Variants in TMEM30A observed in about 807,000 individuals in gnomAD.
TMEM30A encodes the protein cell division cycle 50 P4-ATPase accessory subunit A.
A neutral mutation model predicts 38.2 loss-of-function variants in TMEM30A; 24 were observed. The ratio of observed to expected loss-of-function variants is 0.63; its 90% CI spans 0.46 to 0.88. TMEM30A has a LOEUF of 0.88. TMEM30A is among the 40% of genes least tolerant of loss of function. The pLI, the probability that TMEM30A is intolerant of heterozygous loss-of-function variation, is 0.00. For missense variants in TMEM30A, 370 were observed against 458.6 expected (o/e 0.81, Z 1.77); for synonymous variants, 145 against 161.6 (o/e 0.90, Z 0.78).
intron 6 of TMEM30A, among the ~76,000 whole-genome samples, chr6:75,257,306 G>T (rs1771882637): frequency 6.6e-6 from 1 of 152,072 alleles, no homozygotes; most frequent in Non-Finnish European, 1.5e-5. Flanking sequence ...GCCCAATTTT[G>T]ATAATTAACC....
chr6:75,264,407 G>A (rs1772027825), intron 3 of TMEM30A, among the ~76,000 whole-genome samples: 1 of 152,156 alleles, frequency 6.6e-6, no homozygotes, highest in Non-Finnish European at 1.5e-5. Context: ...AGGCCGAGGA[G>A]GGCAGATCAC....
intron 4 of TMEM30A, among the ~76,000 whole-genome samples, chr6:75,259,856 A>C (rs1771933551): frequency 6.6e-6 from 1 of 152,142 alleles, no homozygotes; most frequent in Non-Finnish European, 1.5e-5. Flanking sequence ...ATTGTCTCAT[A>C]CAACAGCCAC....
Position 75,255,958 on chromosome 6 carries a change from G to T in TMEM30A, c.*144C>A. 1 of 581,148 alleles carries T rather than the reference G, an allele frequency of 1.7e-6. No homozygotes were observed. Among genetic ancestry groups the T allele is most frequent in the Non-Finnish European group, 3.0e-6 (1 of 336,334 alleles). The allele number at this position is 581,148 out of a possible 1,614,324, so 36.0% of individuals were successfully genotyped here. A position where few individuals can be genotyped will look rare whatever the true frequency, so the allele number is the denominator to read the frequency against. ...TTTAGAAGTCATCCGTAGGGAAGAA[G>T]CAAACAACAAAGACTGCTTTTTTTT... On this transcript the variant is annotated 3_prime_UTR_variant, in exon 7 of 7. Transcript: ENST00000230461.
chr6:75,254,179 G>A lies in TMEM30A; in HGVS notation c.*1923C>T, dbSNP rs954308065. ...TTAAGATTCCATCTTCTCCACAGAT[G>A]AGAAAGTGCTGAAAGGGCTCTTCAA... On this transcript the variant is annotated 3_prime_UTR_variant, in exon 7 of 7. Transcript: ENST00000230461. 2 of 152,074 alleles carry A rather than the reference G, an allele frequency of 1.3e-5. No individual in the cohort carries two copies. Among genetic ancestry groups the A allele is most frequent in the African/African-American group, 2.4e-5 (1 of 41,420 alleles). 9.4% of individuals were successfully genotyped at this position (152,074 alleles called of 1,614,324 possible).
chr6:75,279,885 A>C (rs1217443523), intron 1 of TMEM30A, among the ~76,000 whole-genome samples: 1 of 152,224 alleles, frequency 6.6e-6, no homozygotes, highest in Non-Finnish European at 1.5e-5. Context: ...CATAAGACCT[A>C]AACAGGTCAT....
Position 75,254,263 on chromosome 6 carries a change from C to G in TMEM30A, c.*1839G>C, listed in dbSNP as rs1056523040. The G allele has an allele frequency of 1.3e-5, 2 of 152,044 alleles. No individual in the cohort carries two copies. The highest frequency in any genetic ancestry group is 4.8e-5 in the African/African-American group (2 of 41,422). 9.4% of individuals were successfully genotyped at this position (152,044 alleles called of 1,614,324 possible). Reference sequence around the variant, plus strand: ...AGAAAAAGAGTTGCAGGATGGTAGTCCTCCTTAAACAGCACAGACTCAATC... The same window carrying G: ...AGAAAAAGAGTTGCAGGATGGTAGTGCTCCTTAAACAGCACAGACTCAATC... On this transcript the variant is annotated 3_prime_UTR_variant, in exon 7 of 7. Transcript: ENST00000230461.
intron 3 of TMEM30A, among the ~76,000 whole-genome samples, chr6:75,264,026 T>C (rs1373912013): frequency 6.6e-6 from 1 of 152,220 alleles, no homozygotes; most frequent in Non-Finnish European, 1.5e-5. Flanking sequence ...CAACATCTTC[T>C]CTGGATTTGA....
chr6:75,253,865 C>T lies in TMEM30A; in HGVS notation c.*2237G>A, dbSNP rs1771824566. ...TAATTTTTTCAATTGGGAATCTTTT[C>T]ATAATTCAAAATAGTTCCTGAAAAT... On this transcript the variant is annotated 3_prime_UTR_variant, in exon 7 of 7. Transcript: ENST00000230461. The T allele has an allele frequency of 6.6e-6, 1 of 152,264 alleles. No individual in the cohort carries two copies. The highest frequency in any genetic ancestry group is 1.5e-5 in the Non-Finnish European group (1 of 67,986). The allele number at this position is 152,264 out of a possible 1,614,324, so 9.4% of individuals were successfully genotyped here. A position where few individuals can be genotyped will look rare whatever the true frequency, so the allele number is the denominator to read the frequency against.
intron 1 of TMEM30A, among the ~76,000 whole-genome samples, chr6:75,270,235 C>T (rs1331176706): frequency 1.3e-5 from 2 of 152,176 alleles, no homozygotes; most frequent in Admixed American, 1.3e-4. Context: ...GGATTTTCAC[C>T]ATCCTACTAG....
Position 75,271,900 on chromosome 6 carries a change from G to A in TMEM30A, c.238-4152C>T, listed in dbSNP as rs376144251. ...AGATGGCATAGAGGAATAATAGATGGACCAACACTTCTTTCTTACTGAGAA... is the reference window on the plus strand; with the variant it reads ...AGATGGCATAGAGGAATAATAGATGAACCAACACTTCTTTCTTACTGAGAA... On this transcript the variant is annotated intron_variant, in intron 1 of 6. Coordinates refer to ENST00000230461, the MANE Select transcript of TMEM30A (RefSeq NM_018247.4). Among the ~76,000 whole-genome samples, 34 of 152,160 alleles carry A rather than the reference G, an allele frequency of 2.2e-4. No individual in the cohort carries two copies. In the East Asian group the frequency reaches 6.0e-3, roughly 27 times the overall value.
chr6:75,259,030 T>C, intron 5 of TMEM30A, 44 bp from the exon 6 acceptor site: 1 of 1,517,256 alleles, frequency 6.6e-7, no homozygotes, highest in Non-Finnish European at 9.0e-7. Flanking sequence ...AATATTACAT[T>C]GTGAAATTAA....
rs1771851900 is a variant in TMEM30A at position 75,255,424 on chromosome 6, A to G, written c.*678T>C. The G allele has an allele frequency of 6.6e-6, 1 of 152,410 alleles. No individual in the cohort carries two copies. 9.4% of individuals were successfully genotyped at this position (152,410 alleles called of 1,614,324 possible). On this transcript the variant is annotated 3_prime_UTR_variant, in exon 7 of 7. Coordinates refer to ENST00000230461, the MANE Select transcript of TMEM30A (RefSeq NM_018247.4). Reference sequence around the variant, plus strand: ...GGTTCCTGACTGCAACATTCAACCAAACGGAAAGAGGAATTTTTTAATTCT... The same window carrying G: ...GGTTCCTGACTGCAACATTCAACCAGACGGAAAGAGGAATTTTTTAATTCT...
At chr6:75,276,329 T>C (rs759717943) in intron 1 of TMEM30A, among the ~76,000 whole-genome samples, 20 of 152,234 alleles carry the variant, frequency 1.3e-4, no homozygotes, top group Admixed American at 2.6e-4. Context: ...GAGGGCGTCA[T>C]GGAAACACCA....
At chr6:75,256,607 T>G (rs1374194364) in intron 6 of TMEM30A, among the ~76,000 whole-genome samples, 1 of 151,860 alleles carries the variant, frequency 6.6e-6, no homozygotes, top group Non-Finnish European at 1.5e-5. Context: ...AGGAATGCAA[T>G]GTGAAAAAAA....
intron 1 of TMEM30A, among the ~76,000 whole-genome samples, chr6:75,280,350 C>T (rs1772336376): frequency 6.6e-6 from 1 of 152,134 alleles, no homozygotes; most frequent in Non-Finnish European, 1.5e-5. Flanking sequence ...AAAGTAAATA[C>T]TTCAGGCTTT....
intron 1 of TMEM30A, among the ~76,000 whole-genome samples, chr6:75,281,500 T>C (rs116887803): frequency 0.01 from 1,574 of 152,228 alleles, 12 homozygotes; most frequent in Non-Finnish European, 0.017. Context: ...ACAAGATACA[T>C]AAACCTAAAA....
chr6:75,283,969 A>T (rs1165083395), intron 1 of TMEM30A, among the ~76,000 whole-genome samples: 1 of 152,154 alleles, frequency 6.6e-6, no homozygotes, highest in Non-Finnish European at 1.5e-5. Flanking sequence ...CTTCCCACAA[A>T]GGTAATGGCA....
Position 75,252,976 on chromosome 6 carries a change from T to A in TMEM30A, c.*3126A>T, listed in dbSNP as rs1771805748. On this transcript the variant is annotated 3_prime_UTR_variant, in exon 7 of 7. Coordinates refer to ENST00000230461, the MANE Select transcript of TMEM30A (RefSeq NM_018247.4). The stretch of plus-strand genomic sequence containing the variant: ...GAAGTTCCAAATGACATTAGCAGAA[T>A]TGTGATTTTTATGTTTACTGAATGG... The A allele has an allele frequency of 6.6e-6, 1 of 152,102 alleles. No individual in the cohort carries two copies. Among genetic ancestry groups the A allele is most frequent in the Non-Finnish European group, 1.5e-5 (1 of 68,006 alleles). 9.4% of individuals were successfully genotyped at this position (152,102 alleles called of 1,614,324 possible).
chr6:75,265,026 G>A (rs1231367367), intron 3 of TMEM30A, among the ~76,000 whole-genome samples: 1 of 151,930 alleles, frequency 6.6e-6, no homozygotes, highest in African/African-American at 2.4e-5. Context: ...GAACCTGGGG[G>A]GTGGAGGTTG....
Sources: gnomAD v4.1 joint callset for allele counts (sites outside exome capture counted in the v4.1 genomes callset) on GRCh38, gnomAD v4.1.1 for gene constraint, MANE v1.5 for transcripts, NCBI Gene and HGNC (gene_info 2026-07-23, HGNC 2026-07-21) for gene names.